Variants in APMAP observed in about 807,000 individuals in gnomAD.
APMAP encodes adipocyte plasma membrane associated protein.
Under a neutral mutation model 43.6 loss-of-function variants are expected in APMAP, and 33 were observed. The ratio of observed to expected loss-of-function variants is 0.76; its 90% confidence interval spans 0.57 to 1.01. The LOEUF is 1.01. Ranked by LOEUF, APMAP falls within the 50% of genes least tolerant of loss-of-function variation. APMAP has a pLI of 0.00. For missense variants in APMAP, 498 were observed against 540.7 expected, an observed-to-expected ratio of 0.92 and a Z score of 0.78; for synonymous variants, 224 against 216.7, an observed-to-expected ratio of 1.03 and a Z score of -0.30.
intron 2 of APMAP, 108 bp downstream of exon 2, chr20:24,983,795 C>G: frequency 1.4e-6 from 1 of 720,776 alleles, no homozygotes. Context: ...TTTCTCCTAA[C>G]TTACCTTTCA....
chr20:24,972,970 G>C (rs1188637221), intron 4 of APMAP, among the ~76,000 whole-genome samples: 1 of 152,186 alleles, frequency 6.6e-6, no homozygotes, highest in Non-Finnish European at 1.5e-5. Context: ...GTGTGGGTGT[G>C]CATGTCCATG....
intron 2 of APMAP, among the ~76,000 whole-genome samples, chr20:24,979,096 G>A (rs888718399): frequency 1.3e-5 from 2 of 151,366 alleles, no homozygotes; most frequent in Non-Finnish European, 2.9e-5. Context: ...GCTAGTGCAA[G>A]ACCTTCAGCA....
chr20:24,965,890 T>C (rs1422801290), intron 8 of APMAP, among the ~76,000 whole-genome samples: 2 of 152,182 alleles, frequency 1.3e-5, no homozygotes, highest in East Asian at 1.9e-4. Context: ...GGGAGAAAAC[T>C]TGGATCAGTC....
In APMAP at chr20:24,963,629, C is replaced by T. The variant is rs2087916368; in HGVS notation, c.*184G>A. 1 of 625,360 alleles carries T rather than the reference C, an allele frequency of 1.6e-6. No homozygotes were observed. The highest frequency in any genetic ancestry group is 2.9e-5 in the Admixed American group (1 of 33,952). 38.7% of individuals were successfully genotyped at this position (625,360 alleles called of 1,614,324 possible). The stretch of plus-strand genomic sequence containing the variant: ...TTACACTTCCCTCTAAACAGAAAGA[C>T]AAGCCCAGGTGGGGCCCGGGCATCC... On this transcript the variant is annotated 3_prime_UTR_variant, in exon 9 of 9. Coordinates refer to ENST00000217456, the MANE Select transcript of APMAP (RefSeq NM_020531.3).
At chr20:24,987,614 A>G (rs551522574) in intron 1 of APMAP, among the ~76,000 whole-genome samples, 1 of 152,292 alleles carries the variant, frequency 6.6e-6, no homozygotes, top group South Asian at 2.1e-4. Context: ...GGTTAATTGT[A>G]TGTTATGCGA....
chr20:24,983,899 C>T lies in APMAP; in HGVS notation c.212+4G>A, dbSNP rs753721986. On this transcript the variant is annotated splice_donor_region_variant and intron_variant, in intron 2 of 8. Transcript: ENST00000217456. Reference sequence around the variant, plus strand: ...CCCCTCCTGAGGACTGCGGGGCAGCCTACCTGAGAGGCTGTGGATCTATAG... The same window carrying T: ...CCCCTCCTGAGGACTGCGGGGCAGCTTACCTGAGAGGCTGTGGATCTATAG... 1 of 1,598,602 alleles carries T rather than the reference C, an allele frequency of 6.3e-7. No individual in the cohort carries two copies. The highest frequency in any genetic ancestry group is 8.6e-7 in the Non-Finnish European group (1 of 1,167,156).
At chr20:24,987,638 TA>T (rs1320895410) in intron 1 of APMAP, among the ~76,000 whole-genome samples, 10 of 147,704 alleles carry the variant, frequency 6.8e-5, no homozygotes, top group East Asian at 3.9e-4. Context: ...TCACCTCAAC[TA>T]AAAAAAAAAG....
intron 3 of APMAP, among the ~76,000 whole-genome samples, chr20:24,978,237 G>A (rs2088067761): frequency 6.6e-6 from 1 of 152,200 alleles, no homozygotes; most frequent in Admixed American, 6.5e-5. Context: ...AGAGATGCAA[G>A]TATTAGAACC....
intron 1 of APMAP, among the ~76,000 whole-genome samples, chr20:24,984,493 A>G (rs926368780): frequency 2.6e-5 from 4 of 152,238 alleles, no homozygotes; most frequent in African/African-American, 9.7e-5. Context: ...AGAGACAGCT[A>G]AAGTCATGAA....
chr20:24,969,445 G>T, intron 7 of APMAP, 81 bp downstream of exon 7: 1 of 1,516,144 alleles, frequency 6.6e-7, no homozygotes, highest in South Asian at 1.3e-5. Flanking sequence ...GATTTCTGTC[G>T]ATCCCATTTC....
In APMAP at chr20:24,969,103, C is replaced by G. The variant is rs369208632; in HGVS notation, c.849-19G>C. The G allele has an allele frequency of 6.4e-7, 1 of 1,566,690 alleles. No homozygotes were observed. Among genetic ancestry groups the G allele is most frequent in the Non-Finnish European group, 8.7e-7 (1 of 1,155,908 alleles). ...GTAGACTCTGAAAAATTCACCCAAGCAGAGAGTGAACCATAGCCCCTCAAT... is the reference window on the plus strand; with the variant it reads ...GTAGACTCTGAAAAATTCACCCAAGGAGAGAGTGAACCATAGCCCCTCAAT... On this transcript the variant is annotated intron_variant, in intron 7 of 8. Coordinates refer to ENST00000217456, the MANE Select transcript of APMAP (RefSeq NM_020531.3).
At chr20:24,967,189 G>A (rs2087952278) in intron 8 of APMAP, among the ~76,000 whole-genome samples, 1 of 152,200 alleles carries the variant, frequency 6.6e-6, no homozygotes, top group South Asian at 2.1e-4. Context: ...CAGCTAGTCA[G>A]GAGGCTGAGG....
chr20:24,964,302 G>A (rs902632971), intron 8 of APMAP: 43 of 606,962 alleles, frequency 7.1e-5, no homozygotes, highest in South Asian at 4.6e-4. Context: ...TGGCCTGGCT[G>A]AACTGAGAGA....
chr20:24,988,291 C>T (rs1254815463), intron 1 of APMAP, among the ~76,000 whole-genome samples: 1 of 152,228 alleles, frequency 6.6e-6, no homozygotes, highest in East Asian at 1.9e-4. Context: ...ATTGTGACCT[C>T]TACTTTACCA....
At chr20:24,984,523 C>T (rs1485153655) in intron 1 of APMAP, among the ~76,000 whole-genome samples, 1 of 152,222 alleles carries the variant, frequency 6.6e-6, no homozygotes, top group African/African-American at 2.4e-5. Flanking sequence ...AGCAGAACAA[C>T]TTCCTGAGGA....
chr20:24,986,976 A>G (rs556884959), intron 1 of APMAP, among the ~76,000 whole-genome samples: 76 of 152,374 alleles, frequency 5.0e-4, no homozygotes, highest in African/African-American at 1.8e-3. Flanking sequence ...AAGTGGAATC[A>G]TACAACAAGT....
intron 3 of APMAP, among the ~76,000 whole-genome samples, chr20:24,978,529 G>A (rs1000645733): frequency 5.3e-5 from 8 of 152,186 alleles, no homozygotes; most frequent in Non-Finnish European, 1.0e-4. Flanking sequence ...CCATAGAGAT[G>A]AATTCAAAAT....
chr20:24,990,339 T>C (rs1352234994), intron 1 of APMAP, among the ~76,000 whole-genome samples: 1 of 152,234 alleles, frequency 6.6e-6, no homozygotes, highest in Non-Finnish European at 1.5e-5. Flanking sequence ...GTTCTATCCT[T>C]CTTCATTCAT....
chr20:24,965,253 G>A (rs545973081), intron 8 of APMAP, among the ~76,000 whole-genome samples: 17 of 152,340 alleles, frequency 1.1e-4, no homozygotes, highest in African/African-American at 3.6e-4. Flanking sequence ...GCCATCTGTT[G>A]TGTGTGTCCC....
Sources: gnomAD v4.1 joint callset for allele counts (sites outside exome capture counted in the v4.1 genomes callset) on GRCh38, gnomAD v4.1.1 for gene constraint, MANE v1.5 for transcripts, NCBI Gene and HGNC (gene_info 2026-07-23, HGNC 2026-07-21) for gene names.